BICD1: variants seen among roughly 807,000 people sequenced by gnomAD.
BICD1 encodes BICD cargo adaptor 1.
In BICD1, 35 loss-of-function variants were observed where a neutral mutation model predicts 92.5. The observed-to-expected ratio is 0.38, with a 90% CI of 0.29 to 0.50. The LOEUF is 0.50. BICD1 is among the 20% of genes least tolerant of loss of function. The pLI is 0.93. For synonymous variants in BICD1, 429 were observed against 465.1 expected (o/e 0.92, Z 1.00); for missense variants, 950 against 1,189.8 (o/e 0.80, Z 2.97).
At chr12:32,262,568 AGG>A (rs1257078872) in intron 2 of BICD1, among the ~76,000 whole-genome samples, 1 of 152,222 alleles carries the variant, frequency 6.6e-6, no homozygotes, top group Admixed American at 6.5e-5. Context: ...ATTTGGAATA[AGG>A]GTCTTTGCCA....
chr12:32,311,442 T>G (rs1040688327), intron 4 of BICD1, among the ~76,000 whole-genome samples: 1 of 152,082 alleles, frequency 6.6e-6, no homozygotes, highest in Non-Finnish European at 1.5e-5. Flanking sequence ...GAGGTTGCAG[T>G]GAGCCGAGAT....
intron 2 of BICD1, among the ~76,000 whole-genome samples, chr12:32,220,416 G>A (rs1301998330): frequency 5.9e-5 from 9 of 152,050 alleles, no homozygotes; most frequent in Non-Finnish European, 1.0e-4. Context: ...CAACAACCCC[G>A]TCAAAAAGTG....
chr12:32,240,465 C>T (rs1946204931), intron 2 of BICD1, among the ~76,000 whole-genome samples: 1 of 152,188 alleles, frequency 6.6e-6, no homozygotes, highest in African/African-American at 2.4e-5. Flanking sequence ...CTCCATCTTT[C>T]AAAGCCAGCA....
At chr12:32,330,602 T>TA (rs1274685698) in intron 5 of BICD1, among the ~76,000 whole-genome samples, 1 of 149,982 alleles carries the variant, frequency 6.7e-6, no homozygotes, top group South Asian at 2.1e-4. Flanking sequence ...ATAAATAAAA[T>TA]AAAAAAAGAA....
intron 1 of BICD1, among the ~76,000 whole-genome samples, chr12:32,143,461 T>TG (rs1565544498): frequency 7.2e-5 from 11 of 152,032 alleles, no homozygotes; most frequent in South Asian, 4.1e-4. Context: ...TAACATTTTT[T>TG]TTTGTGTGTG....
At chr12:32,308,737 G>C (rs1282994177) in intron 4 of BICD1, among the ~76,000 whole-genome samples, 1 of 152,118 alleles carries the variant, frequency 6.6e-6, no homozygotes, top group Admixed American at 6.6e-5. Flanking sequence ...AAAATGTTAG[G>C]GTGAGAAAAA....
chr12:32,153,625 G>A (rs991140967), intron 1 of BICD1, among the ~76,000 whole-genome samples: 4 of 152,036 alleles, frequency 2.6e-5, no homozygotes, highest in South Asian at 2.1e-4. Flanking sequence ...GCATGATGGC[G>A]TGCACCTGTA....
chr12:32,275,751 C>T (rs531543064), intron 2 of BICD1, among the ~76,000 whole-genome samples: 2 of 152,220 alleles, frequency 1.3e-5, no homozygotes, highest in Admixed American at 6.5e-5. Context: ...CCTGATCCAG[C>T]GAGACTCCCA....
Position 32,106,914 on chromosome 12 carries a change from G to C in BICD1, c.-418G>C, listed in dbSNP as rs1049855514. 2.8e-5 allele frequency: 5 copies of C among 178,208 alleles called. No individual in the cohort carries two copies. The South Asian group carries it at 4.3e-4, about 15-fold the overall frequency. 11.0% of individuals were successfully genotyped at this position (178,208 alleles called of 1,614,324 possible). A position where few individuals can be genotyped will look rare whatever the true frequency, so the allele number is the denominator to read the frequency against. On this transcript the variant is annotated 5_prime_UTR_variant, in exon 1 of 10. Transcript: ENST00000652176. ...GAGCGAGAGAGCGAGCCGCGAGCCG[G>C]AGCGCGCCAGACCCAGGGCGAGACT...
intron 2 of BICD1, among the ~76,000 whole-genome samples, chr12:32,245,942 A>T (rs1345622211): frequency 6.8e-6 from 1 of 146,032 alleles, no homozygotes; most frequent in Non-Finnish European, 1.5e-5. Flanking sequence ...AGATGGGAGA[A>T]TCGCTTGAAC....
chr12:32,116,510 C>CTCTCTATA (rs1233964108), intron 1 of BICD1, among the ~76,000 whole-genome samples: 33 of 104,400 alleles, frequency 3.2e-4, no homozygotes, highest in South Asian at 6.7e-4. Context: ...CTCTCTCTCT[C>CTCTCTATA]TATATATATA....
chr12:32,275,226 A>G (rs1174366416), intron 2 of BICD1, among the ~76,000 whole-genome samples: 3 of 152,210 alleles, frequency 2.0e-5, no homozygotes, highest in Non-Finnish European at 4.4e-5. Context: ...TTATAAAATT[A>G]TGCTAACTAT....
At chr12:32,372,350 G>A (rs961810813) in intron 9 of BICD1, among the ~76,000 whole-genome samples, 1 of 151,996 alleles carries the variant, frequency 6.6e-6, no homozygotes, top group Non-Finnish European at 1.5e-5. Flanking sequence ...CATGGTGGCA[G>A]GCACCTGTAA....
At chr12:32,125,436 C>T (rs74074415) in intron 1 of BICD1, among the ~76,000 whole-genome samples, 1,934 of 152,240 alleles carry the variant, frequency 0.013, 50 homozygotes, top group African/African-American at 0.044. Context: ...GGGAAGTTTC[C>T]CTTATGCCTC....
intron 1 of BICD1, among the ~76,000 whole-genome samples, chr12:32,206,789 C>T (rs1945070304): frequency 1.3e-5 from 2 of 152,132 alleles, no homozygotes; most frequent in Non-Finnish European, 2.9e-5. Context: ...ATCCAGTAGA[C>T]TACTTTATAA....
chr12:32,259,907 T>C (rs1275620201), intron 2 of BICD1, among the ~76,000 whole-genome samples: 4 of 151,596 alleles, frequency 2.6e-5, no homozygotes, highest in African/African-American at 9.7e-5. Context: ...TGTCAACACA[T>C]ATATATACAC....
intron 1 of BICD1, among the ~76,000 whole-genome samples, chr12:32,196,701 G>A (rs1295447837): frequency 6.6e-6 from 1 of 152,166 alleles, no homozygotes; most frequent in Non-Finnish European, 1.5e-5. Flanking sequence ...TGGATCTAAT[G>A]TTCAACATGG....
intron 6 of BICD1, among the ~76,000 whole-genome samples, chr12:32,336,272 C>A (rs1938118477): frequency 1.3e-5 from 2 of 152,150 alleles, no homozygotes; most frequent in Non-Finnish European, 1.5e-5. Context: ...TTTCTCCACG[C>A]CACCTCTACC....
At chr12:32,247,210 C>G (rs1946411199) in intron 2 of BICD1, among the ~76,000 whole-genome samples, 1 of 144,294 alleles carries the variant, frequency 6.9e-6, no homozygotes, top group Non-Finnish European at 1.5e-5. Flanking sequence ...GGGTTTCGCT[C>G]TGGATGACAG....
Sources: gnomAD v4.1 joint callset for allele counts (sites outside exome capture counted in the v4.1 genomes callset) on GRCh38, gnomAD v4.1.1 for gene constraint, MANE v1.5 for transcripts, NCBI Gene and HGNC (gene_info 2026-07-23, HGNC 2026-07-21) for gene names.